Variants in SH3BGR observed in about 807,000 individuals in gnomAD.
SH3BGR encodes SH3 domain-binding glutamic acid-rich protein.
Under a neutral mutation model 24.5 loss-of-function variants are expected in SH3BGR, and 29 were observed. That is an observed-to-expected ratio of 1.18 (90% CI 0.88 to 1.61). The LOEUF is 1.61. Ranked by LOEUF, SH3BGR falls within the 40% of genes most tolerant of loss-of-function variation. The probability of loss-of-function intolerance (pLI) is 0.00; values close to 1 mark genes in which losing one functional copy is unlikely to be tolerated. For missense variants in SH3BGR, 162 were observed against 205.8 expected, an observed-to-expected ratio of 0.79 and a Z score of 1.30; for synonymous variants, 55 against 65.7, an observed-to-expected ratio of 0.84 and a Z score of 0.79.
At chr21:39,457,057 T>C (rs965617266) in intron 1 of SH3BGR, among the ~76,000 whole-genome samples, 1 of 148,640 alleles carries the variant, frequency 6.7e-6, no homozygotes, top group Non-Finnish European at 1.5e-5. Flanking sequence ...AAAATTAACA[T>C]AGTAAATATA....
Position 39,511,475 on chromosome 21 carries a change from G to A in SH3BGR, c.436-205G>A, listed in dbSNP as rs1479064245. ...GTTTCCGTGGTGTGTGTGTGTTTGGGCGGTATGTGTGTGGGGTGTGTGTGT... is the reference window on the plus strand; with the variant it reads ...GTTTCCGTGGTGTGTGTGTGTTTGGACGGTATGTGTGTGGGGTGTGTGTGT... On this transcript the variant is annotated intron_variant, in intron 5 of 6. Coordinates refer to ENST00000333634, the MANE Select transcript of SH3BGR (RefSeq NM_007341.3). The surrounding 1 kb of genome is among the most constrained non-coding windows in gnomAD (Gnocchi z 4.2). 8.8e-5 allele frequency among the ~76,000 whole-genome samples: 13 copies of A among 148,144 alleles called. No individual in the cohort carries two copies. Among genetic ancestry groups the A allele is most frequent in the Non-Finnish European group, 1.5e-5 (1 of 66,682 alleles).
At chr21:39,515,038 T>C (rs1288248431) in intron 6 of SH3BGR, 50 bp from the exon 7 acceptor site, 1 of 457,176 alleles carries the variant, frequency 2.2e-6, no homozygotes, top group African/African-American at 2.0e-5. Context: ...GTGGTAAACA[T>C]TCTGTGTCTT....
intron 4 of SH3BGR, among the ~76,000 whole-genome samples, chr21:39,504,462 G>A (rs1255008043): frequency 2.6e-5 from 4 of 152,254 alleles, no homozygotes; most frequent in African/African-American, 7.2e-5. Context: ...TCACCACCAC[G>A]GACACCTGTC....
chr21:39,489,287 G>A (rs1411025611), intron 3 of SH3BGR, among the ~76,000 whole-genome samples: 1 of 152,200 alleles, frequency 6.6e-6, no homozygotes, highest in Admixed American at 6.5e-5. Context: ...AACCAGAAAG[G>A]GTGCTGCCTG....
At position 39,511,958 on chromosome 21, in the gene SH3BGR, G is replaced by A. The variant is rs866446543; in HGVS notation, c.*34+149G>A. 3.7e-5 allele frequency: 26 copies of A among 693,406 alleles called. No individual in the cohort carries two copies. In the South Asian group the frequency reaches 5.8e-4, roughly 16 times the overall value. 43.0% of individuals were successfully genotyped at this position (693,406 alleles called of 1,614,324 possible). On this transcript the variant is annotated intron_variant, in intron 6 of 6. Coordinates refer to ENST00000333634, the MANE Select transcript of SH3BGR (RefSeq NM_007341.3). This position sits in a 1 kb window ranked among gnomAD's most constrained non-coding sequence, Gnocchi z 4.2. ...GCCCTGGTCTGCACACCTTTCTGGC[G>A]GGGTCCAGCTCCTTTCTAGAGCTGC...
At chr21:39,457,991 C>T (rs1278103315) in intron 1 of SH3BGR, among the ~76,000 whole-genome samples, 1 of 152,058 alleles carries the variant, frequency 6.6e-6, no homozygotes, top group Non-Finnish European at 1.5e-5. Context: ...CACCCTAACA[C>T]CCTATACATG....
chr21:39,474,225 C>T (rs528390788), intron 2 of SH3BGR, among the ~76,000 whole-genome samples: 5 of 152,262 alleles, frequency 3.3e-5, no homozygotes, highest in African/African-American at 7.2e-5. Flanking sequence ...CTTGGCCTCC[C>T]GAAGTGCTGA....
At chr21:39,490,997 G>T (rs1158656555) in intron 3 of SH3BGR, among the ~76,000 whole-genome samples, 1 of 152,068 alleles carries the variant, frequency 6.6e-6, no homozygotes, top group Non-Finnish European at 1.5e-5. Flanking sequence ...CTCCCAGAGT[G>T]CTGGGATTAC....
At chr21:39,476,860 G>A (rs1168074348) in intron 3 of SH3BGR, among the ~76,000 whole-genome samples, 1 of 152,164 alleles carries the variant, frequency 6.6e-6, no homozygotes, top group Non-Finnish European at 1.5e-5. Context: ...ATGTGGCAAA[G>A]CTTTGAAATG....
upstream of SH3BGR, among the ~76,000 whole-genome samples, chr21:39,450,338 A>G (rs2077558865): frequency 6.6e-6 from 1 of 152,218 alleles, no homozygotes. Flanking sequence ...TGTTGAAGCC[A>G]AAAGTTAAAT....
chr21:39,479,954 C>T (rs1019342798), intron 3 of SH3BGR, among the ~76,000 whole-genome samples: 5 of 151,880 alleles, frequency 3.3e-5, no homozygotes, highest in African/African-American at 4.8e-5. Flanking sequence ...GTTGTATTGT[C>T]AGTGGGGCTC....
At chr21:39,487,117 G>A (rs1177181902) in intron 3 of SH3BGR, among the ~76,000 whole-genome samples, 1 of 151,934 alleles carries the variant, frequency 6.6e-6, no homozygotes, top group Admixed American at 6.6e-5. Flanking sequence ...TTAATTGACA[G>A]AGATATACAC....
chr21:39,508,596 TA>T (rs1173265473), intron 4 of SH3BGR, among the ~76,000 whole-genome samples: 4 of 152,260 alleles, frequency 2.6e-5, no homozygotes, highest in Middle Eastern at 3.2e-3. Flanking sequence ...AAGACATAGT[TA>T]TAAGGGCATA....
At chr21:39,467,759 G>A (rs1263459324) in intron 2 of SH3BGR, among the ~76,000 whole-genome samples, 1 of 152,182 alleles carries the variant, frequency 6.6e-6, no homozygotes, top group Non-Finnish European at 1.5e-5. Context: ...GGAGACCCCA[G>A]AGGCAAGCAG....
chr21:39,447,409 G>A (rs1055549812), upstream of SH3BGR, among the ~76,000 whole-genome samples: 1 of 143,416 alleles, frequency 7.0e-6, no homozygotes, highest in African/African-American at 2.6e-5. Flanking sequence ...CTTTGCTTTC[G>A]CTTTTGCTTT....
intron 1 of SH3BGR, among the ~76,000 whole-genome samples, chr21:39,446,463 T>A (rs2077470129): frequency 6.6e-6 from 1 of 152,168 alleles, no homozygotes; most frequent in Non-Finnish European, 1.5e-5. Context: ...ACAAGCGAGG[T>A]TGCAGGGCCA....
intron 3 of SH3BGR, among the ~76,000 whole-genome samples, chr21:39,493,068 G>T (rs2078330916): frequency 6.6e-6 from 1 of 152,140 alleles, no homozygotes; most frequent in South Asian, 2.1e-4. Flanking sequence ...TCTGTGGGTT[G>T]TCTGTTTACT....
chr21:39,474,029 A>G (rs1258400225), intron 2 of SH3BGR, among the ~76,000 whole-genome samples: 1 of 152,104 alleles, frequency 6.6e-6, no homozygotes, highest in Non-Finnish European at 1.5e-5. Flanking sequence ...GTGTAGTGGC[A>G]CAATCACAGC....
At chr21:39,496,463 G>T (rs559359015) in intron 3 of SH3BGR, among the ~76,000 whole-genome samples, 17 of 142,344 alleles carry the variant, frequency 1.2e-4, no homozygotes, top group African/African-American at 4.5e-4. Context: ...TTGCGCCACC[G>T]CAGTCCGCAG....
Sources: gnomAD v4.1 joint callset for allele counts (sites outside exome capture counted in the v4.1 genomes callset) on GRCh38, gnomAD v4.1.1 for gene constraint, Gnocchi (gnomAD v3.1) non-coding constraint, MANE v1.5 for transcripts, NCBI Gene and HGNC (gene_info 2026-07-23, HGNC 2026-07-21) for gene names.